The following PSORS1C1 variants were observed in gnomAD, a reference collection of about 807,000 sequenced individuals.
PSORS1C1 encodes the protein psoriasis susceptibility 1 candidate 1.
Under a neutral mutation model 9.4 loss-of-function variants are expected in PSORS1C1, and 7 were observed. The observed-to-expected ratio is 0.75, with a 90% CI of 0.42 to 1.40. The LOEUF is 1.40. Ranked by LOEUF, PSORS1C1 falls within the 40% of genes most tolerant of loss-of-function variation. The probability of loss-of-function intolerance (pLI) is 0.01; values close to 1 mark genes in which losing one functional copy is unlikely to be tolerated. For synonymous variants in PSORS1C1, 63 were observed against 69.4 expected (o/e 0.91, Z 0.46); for missense variants, 146 against 178.1 (o/e 0.82, Z 1.02).
In PSORS1C1 at chr6:31,139,547, ACTGAAAG is replaced by A. The variant is rs1773341467; in HGVS notation, c.168-91_168-85del. On this transcript the variant is annotated intron_variant, in intron 5 of 5. Transcript: ENST00000259881. This position sits in a 1 kb window ranked among gnomAD's most constrained non-coding sequence, Gnocchi z 5.2. Reference sequence around the variant, plus strand: ...CCCCAGCCTCCCCACTCACCCCCGCACTGAAAGCTCCCCCTGGGGCTTCGTGCTTTCC... The same window carrying A: ...CCCCAGCCTCCCCACTCACCCCCGCACTCCCCCTGGGGCTTCGTGCTTTCC... The A allele has an allele frequency of 2.3e-6, 3 of 1,290,228 alleles. No homozygotes were observed. The highest frequency in any genetic ancestry group is 4.0e-5 in the Admixed American group (2 of 50,344). 79.9% of individuals were successfully genotyped at this position (1,290,228 alleles called of 1,614,324 possible). A position where few individuals can be genotyped will look rare whatever the true frequency, so the allele number is the denominator to read the frequency against.
At position 31,116,409 on chromosome 6, in the gene PSORS1C1, A is replaced by G. The variant is rs766339459; in HGVS notation, c.-229+1518A>G. 8 of 1,596,420 alleles carry G rather than the reference A, an allele frequency of 5.0e-6. No homozygotes were observed. In the African/African-American group the frequency reaches 1.1e-4, roughly 21 times the overall value. On this transcript the variant is annotated intron_variant, in intron 1 of 5. Transcript: ENST00000259881. ...GTAAACCGGAGCTGCTGGAAATGCT[A>G]GAACTGCTGGGGACTCGAGAACTGG...
intron 1 of PSORS1C1, among the ~76,000 whole-genome samples, chr6:31,121,173 TG>T (rs28383830): frequency 5.4e-5 from 7 of 130,562 alleles, no homozygotes; most frequent in South Asian, 2.7e-4. Context: ...GTGGCGGGGG[TG>T]GGGGGGTGCT....
At chr6:31,138,852 G>A (rs1773305081) in intron 5 of PSORS1C1, 73 bp downstream of exon 5, 3 of 1,608,240 alleles carry the variant, frequency 1.9e-6, no homozygotes, top group African/African-American at 1.3e-5. Context: ...TGGTGAGCCA[G>A]ATGCACCTTC....
intron 2 of PSORS1C1, among the ~76,000 whole-genome samples, chr6:31,126,789 G>T (rs1772699615): frequency 6.6e-6 from 1 of 152,196 alleles, no homozygotes; most frequent in Non-Finnish European, 1.5e-5. Flanking sequence ...CCGCTCCCCT[G>T]AGTCTTTTCC....
At position 31,139,422 on chromosome 6, in the gene PSORS1C1, G is replaced by A. The variant is rs1773334459; in HGVS notation, c.168-219G>A. The A allele has an allele frequency of 1.7e-6, 1 of 598,650 alleles. No individual in the cohort carries two copies. 37.1% of individuals were successfully genotyped at this position (598,650 alleles called of 1,614,324 possible). A position where few individuals can be genotyped will look rare whatever the true frequency, so the allele number is the denominator to read the frequency against. ...GGGAGCAAACCACGCGATGGGCGTT[G>A]GGAAGCACCGTAATTACAGGGTTGG... is the stretch of plus-strand genomic sequence containing the variant. On this transcript the variant is annotated intron_variant, in intron 5 of 5. Transcript: ENST00000259881. The surrounding 1 kb of genome is among the most constrained non-coding windows in gnomAD (Gnocchi z 5.2).
intron 1 of PSORS1C1, among the ~76,000 whole-genome samples, chr6:31,121,279 A>G (rs1772450656): frequency 6.6e-6 from 1 of 152,130 alleles, no homozygotes; most frequent in South Asian, 2.1e-4. Context: ...GCCCCTCCCC[A>G]TGGCTGGTAA....
intron 3 of PSORS1C1, among the ~76,000 whole-genome samples, chr6:31,131,332 G>A (rs1772902605): frequency 6.6e-6 from 1 of 152,164 alleles, no homozygotes; most frequent in African/African-American, 2.4e-5. Context: ...GGTGGCTTAT[G>A]CTTGTAATCC....
chr6:31,138,330 T>C (rs1773264241), intron 3 of PSORS1C1, 100 bp from the exon 4 acceptor site: 2 of 1,607,336 alleles, frequency 1.2e-6, no homozygotes, highest in Non-Finnish European at 1.7e-6. Context: ...AGGAGAAAGG[T>C]AAGAGGTGGT....
chr6:31,134,506 C>T lies in PSORS1C1; in HGVS notation c.14-3924C>T, dbSNP rs566878659. Reference sequence around the variant, plus strand: ...TTTTTTAGTAGAGACTGGGTTTCACCATGTTAGCCAGGATGGTCTCGATCT... The same window carrying T: ...TTTTTTAGTAGAGACTGGGTTTCACTATGTTAGCCAGGATGGTCTCGATCT... On this transcript the variant is annotated intron_variant, in intron 3 of 5. Coordinates refer to ENST00000259881, the MANE Select transcript of PSORS1C1 (RefSeq NM_014068.3). Among the ~76,000 whole-genome samples the T allele has an allele frequency of 1.9e-4, 29 of 152,022 alleles. No homozygotes were observed. The East Asian group carries it at 3.7e-3, about 19-fold the overall frequency.
chr6:31,122,027 C>A (rs1469528945), intron 1 of PSORS1C1, among the ~76,000 whole-genome samples: 1 of 152,104 alleles, frequency 6.6e-6, no homozygotes, highest in East Asian at 1.9e-4. Context: ...GGACAGGGTC[C>A]CCTGAAGGGG....
chr6:31,132,578 G>A (rs1328357942), intron 3 of PSORS1C1, among the ~76,000 whole-genome samples: 1 of 151,138 alleles, frequency 6.6e-6, no homozygotes. Flanking sequence ...GACTGGGCAT[G>A]ATGGCTCACA....
chr6:31,124,674 C>T (rs79813650), intron 1 of PSORS1C1, among the ~76,000 whole-genome samples: 6,977 of 152,276 alleles, frequency 0.046, 232 homozygotes, highest in Non-Finnish European at 0.074. Context: ...GAGAAGATTT[C>T]TGCTGTCAAA....
At chr6:31,118,949 T>C (rs1212662704) in intron 1 of PSORS1C1, 1 of 150,252 alleles carries the variant, frequency 6.7e-6, no homozygotes, top group African/African-American at 2.5e-5. Context: ...TGCAAGCGAT[T>C]CTCCTGCCTC....
In PSORS1C1 at chr6:31,130,762, G is replaced by A. The variant is rs186194139; in HGVS notation, c.13+1117G>A. Among the ~76,000 whole-genome samples the A allele has an allele frequency of 6.1e-4, 93 of 152,178 alleles. No homozygotes were observed. The East Asian group carries it at 7.9e-3, about 13-fold the overall frequency. ...GAGGTCACACTATGTTGCCCACACTGGTATCAAACTCCTGAGCTCAAGCGA... is the reference window on the plus strand; with the variant it reads ...GAGGTCACACTATGTTGCCCACACTAGTATCAAACTCCTGAGCTCAAGCGA... On this transcript the variant is annotated intron_variant, in intron 3 of 5. Transcript: ENST00000259881.
chr6:31,117,923 C>T (rs3130988), intron 1 of PSORS1C1: 35,924 of 208,198 alleles, frequency 0.17, 3,595 homozygotes, highest in Non-Finnish European at 0.21. Context: ...ACATAGACCC[C>T]GTCTGTATTT....
rs1301310292 is a variant in PSORS1C1, at chr6:31,116,512, G to C, written c.-229+1621G>C. On this transcript the variant is annotated intron_variant, in intron 1 of 5. Coordinates refer to ENST00000259881, the MANE Select transcript of PSORS1C1 (RefSeq NM_014068.3). ...CCCACCAGTCCCCACTGGCTGGAATGCAATGGCCGAGGAAGCTGCCGACTG... is the reference window on the plus strand; with the variant it reads ...CCCACCAGTCCCCACTGGCTGGAATCCAATGGCCGAGGAAGCTGCCGACTG... 6.2e-7 allele frequency: 1 copy of C among 1,612,274 alleles called. No homozygotes were observed.
chr6:31,122,888 T>A (rs1244522564), intron 1 of PSORS1C1, among the ~76,000 whole-genome samples: 1 of 151,992 alleles, frequency 6.6e-6, no homozygotes, highest in Non-Finnish European at 1.5e-5. Context: ...GAGGGGGCAC[T>A]GGGGTAATGA....
At chr6:31,121,380 C>T (rs562485121) in intron 1 of PSORS1C1, among the ~76,000 whole-genome samples, 18 of 152,288 alleles carry the variant, frequency 1.2e-4, no homozygotes, top group South Asian at 4.1e-4. Context: ...GCTGGATGAG[C>T]GAGCAGGAAG....
intron 2 of PSORS1C1, among the ~76,000 whole-genome samples, chr6:31,127,356 A>G (rs1177737867): frequency 6.6e-6 from 1 of 151,816 alleles, no homozygotes; most frequent in Non-Finnish European, 1.5e-5. Flanking sequence ...CTGAGGCATC[A>G]CCCAGCACAC....
Sources: gnomAD v4.1 joint callset for allele counts (sites outside exome capture counted in the v4.1 genomes callset) on GRCh38, gnomAD v4.1.1 for gene constraint, Gnocchi (gnomAD v3.1) non-coding constraint, MANE v1.5 for transcripts, NCBI Gene and HGNC (gene_info 2026-07-23, HGNC 2026-07-21) for gene names.